GLIS3: variants seen among roughly 807,000 people sequenced by gnomAD.
GLIS3 encodes the protein GLIS family zinc finger 3, also known as zinc finger protein GLIS3.
In GLIS3, 53 loss-of-function variants were observed where a neutral mutation model predicts 78.6. The observed-to-expected ratio is 0.67, with a 90% CI of 0.54 to 0.85. GLIS3 has a LOEUF of 0.85. GLIS3 is among the 40% of genes least tolerant of loss of function. GLIS3 has a pLI of 0.00. For missense variants in GLIS3, 1,703 were observed against 1,231.1 expected, an observed-to-expected ratio of 1.38 and a Z score of -5.74; for synonymous variants, 684 against 509.9, an observed-to-expected ratio of 1.34 and a Z score of -4.60.
chr9:4,298,015 C>T (rs1034112438), intron 1 of GLIS3, among the ~76,000 whole-genome samples: 1 of 152,196 alleles, frequency 6.6e-6, no homozygotes, highest in Non-Finnish European at 1.5e-5. Context: ...CCCCCGCCGC[C>T]TCCGCCCCTA....
In GLIS3 at chr9:4,118,250, G is replaced by T. The variant is rs1378813205; in HGVS notation, c.1228C>A (p.His410Asn). The T allele has an allele frequency of 6.3e-7, 1 of 1,590,808 alleles. No individual in the cohort carries two copies. Among genetic ancestry groups the T allele is most frequent in the Non-Finnish European group, 8.6e-7 (1 of 1,169,096 alleles). Reference protein sequence around the residue: ...HGGLQPGLVNHMVVQHGLPGP... With the variant: ...HGGLQPGLVNNMVVQHGLPGP... ...GGCAGGCCATGCTGCACCACCATGT[G>T]GTTGACCAGGCCTGGCTGCAGGCCG... Residue 410 changes from histidine to asparagine, a missense_variant, in exon 4 of 11, where the codon CAC becomes AAC. By Grantham distance (68) the His-to-Asn change is moderately conservative. Transcript: ENST00000381971. This position sits in a 1 kb window ranked among gnomAD's most constrained non-coding sequence, Gnocchi z 4.7.
the GLIS3 span, among the ~76,000 whole-genome samples, chr9:4,428,988 T>C: frequency 6.6e-6 from 1 of 152,108 alleles, no homozygotes; most frequent in Non-Finnish European, 1.5e-5. Flanking sequence ...TTCCAAAACC[T>C]CATCCTAGTT....
chr9:3,973,556 C>G (rs1363470403), intron 4 of GLIS3, among the ~76,000 whole-genome samples: 1 of 152,146 alleles, frequency 6.6e-6, no homozygotes, highest in African/African-American at 2.4e-5. Context: ...TGGGCGAAGT[C>G]AAGTTCTTTA....
intron 8 of GLIS3, among the ~76,000 whole-genome samples, chr9:3,856,645 T>C (rs1040565962): frequency 6.6e-6 from 1 of 152,234 alleles, no homozygotes; most frequent in African/African-American, 2.4e-5. Flanking sequence ...AGAAGTGTTG[T>C]TACAAGTCTT....
At chr9:4,451,635 C>G in the GLIS3 span, among the ~76,000 whole-genome samples, 19 of 152,030 alleles carry the variant, frequency 1.2e-4, no homozygotes, top group African/African-American at 4.6e-4. Context: ...ATAACAAAAT[C>G]ACGACAAACT....
At chr9:4,385,747 AAGAAAGAAAGAAAGAAAGAAAGAAAG>A in the GLIS3 span, among the ~76,000 whole-genome samples, 3 of 60,654 alleles carry the variant, frequency 4.9e-5, no homozygotes, top group East Asian at 6.5e-4. Flanking sequence ...AAAAGAAAGA[AAGAAAGAAAGAAAGAAAGAAAGAAAG>A]AAAGAAAGAA....
intron 2 of GLIS3, among the ~76,000 whole-genome samples, chr9:4,239,680 T>C (rs535532144): frequency 6.6e-6 from 1 of 152,358 alleles, no homozygotes; most frequent in Non-Finnish European, 1.5e-5. Flanking sequence ...TGTTTCTGAC[T>C]TTTCCATTAC....
chr9:4,093,361 C>T (rs929553745), intron 4 of GLIS3, among the ~76,000 whole-genome samples: 1 of 152,036 alleles, frequency 6.6e-6, no homozygotes. Flanking sequence ...TGAGTAAGGC[C>T]CCCTCTTGCA....
intron 2 of GLIS3, among the ~76,000 whole-genome samples, chr9:4,182,167 T>C (rs1817388261): frequency 6.6e-6 from 1 of 152,202 alleles, no homozygotes; most frequent in Non-Finnish European, 1.5e-5. Flanking sequence ...TTAACGTTAT[T>C]GTTCATTTTG....
the GLIS3 span, among the ~76,000 whole-genome samples, chr9:4,382,245 C>G: frequency 6.6e-6 from 1 of 152,096 alleles, no homozygotes; most frequent in African/African-American, 2.4e-5. Flanking sequence ...TATTATTACT[C>G]TAGGTATTGA....
chr9:4,239,610 A>G (rs1003498638), intron 2 of GLIS3, among the ~76,000 whole-genome samples: 2 of 152,204 alleles, frequency 1.3e-5, no homozygotes, highest in African/African-American at 4.8e-5. Flanking sequence ...TATAAATTCA[A>G]TGTAACAGAA....
the GLIS3 span, among the ~76,000 whole-genome samples, chr9:4,399,700 C>G: frequency 6.6e-6 from 1 of 152,182 alleles, no homozygotes; most frequent in African/African-American, 2.4e-5. Context: ...CAGCCCACAT[C>G]TGGAAGCTGT....
the GLIS3 span, among the ~76,000 whole-genome samples, chr9:4,407,641 T>C: frequency 6.6e-6 from 1 of 152,096 alleles, no homozygotes; most frequent in Non-Finnish European, 1.5e-5. Flanking sequence ...AGCAAGACTC[T>C]CTCAAAAACA....
At chr9:4,261,974 G>C (rs1439578667) in intron 2 of GLIS3, among the ~76,000 whole-genome samples, 1 of 152,088 alleles carries the variant, frequency 6.6e-6, no homozygotes, top group African/African-American at 2.4e-5. Flanking sequence ...TGATACAAAG[G>C]GCTGTGTTCT....
chr9:4,348,579 G>T (rs1026275972), upstream of GLIS3, among the ~76,000 whole-genome samples: 3 of 152,164 alleles, frequency 2.0e-5, no homozygotes, highest in Admixed American at 6.5e-5. Flanking sequence ...CCTTTAATTG[G>T]ACATAATATA....
At chr9:4,459,607 T>G in the GLIS3 span, among the ~76,000 whole-genome samples, 1 of 151,726 alleles carries the variant, frequency 6.6e-6, no homozygotes, top group Non-Finnish European at 1.5e-5. Flanking sequence ...CTAGAAAAAA[T>G]TTTAAAAATT....
At chr9:4,348,067 A>G (rs1817917162) in intron 1 of GLIS3, among the ~76,000 whole-genome samples, 1 of 152,230 alleles carries the variant, frequency 6.6e-6, no homozygotes, top group South Asian at 2.1e-4. Context: ...CTAGAAATAC[A>G]TTATCAAATT....
chr9:4,093,842 C>A (rs185142669), intron 4 of GLIS3, among the ~76,000 whole-genome samples: 2 of 152,156 alleles, frequency 1.3e-5, no homozygotes, highest in Admixed American at 1.3e-4. Context: ...TTGGCTATGA[C>A]AAGACAAGTT....
chr9:4,266,983 A>C (rs1369099103), intron 2 of GLIS3, among the ~76,000 whole-genome samples: 1 of 152,244 alleles, frequency 6.6e-6, no homozygotes, highest in Admixed American at 6.5e-5. Context: ...GTTTATGGAA[A>C]TACTTCATAG....
Sources: gnomAD v4.1 joint callset for allele counts (sites outside exome capture counted in the v4.1 genomes callset) on GRCh38, gnomAD v4.1.1 for gene constraint, Gnocchi (gnomAD v3.1) non-coding constraint, MANE v1.5 for transcripts, NCBI Gene and HGNC (gene_info 2026-07-23, HGNC 2026-07-21) for gene names.